Variants in CNTNAP2 observed in about 807,000 individuals in gnomAD.
The protein encoded by CNTNAP2 is contactin-associated protein-like 2.
CNTNAP2 carries 98 observed loss-of-function variants against 155.2 expected under a neutral mutation model. The observed-to-expected ratio is 0.63, with a 90% CI of 0.54 to 0.75. The LOEUF is 0.75. CNTNAP2 is among the 30% of genes least tolerant of loss of function. CNTNAP2 has a pLI of 0.00. For synonymous variants in CNTNAP2, 651 were observed against 631.2 expected, an observed-to-expected ratio of 1.03 and a Z score of -0.47; for missense variants, 1,727 against 1,688.1, an observed-to-expected ratio of 1.02 and a Z score of -0.40.
chr7:147,672,291 T>G (rs1240598170), intron 13 of CNTNAP2, among the ~76,000 whole-genome samples: 1 of 152,238 alleles, frequency 6.6e-6, no homozygotes, highest in Non-Finnish European at 1.5e-5. Context: ...AATACCATGT[T>G]AAACTTTCTA....
chr7:148,331,775 AAT>A (rs1798028871), intron 21 of CNTNAP2, among the ~76,000 whole-genome samples: 1 of 137,032 alleles, frequency 7.3e-6, no homozygotes, highest in Non-Finnish European at 1.6e-5. Flanking sequence ...GGATGGATGG[AAT>A]GGACAGATGG....
intron 1 of CNTNAP2, among the ~76,000 whole-genome samples, chr7:146,260,669 G>C (rs1011773999): frequency 2.0e-5 from 3 of 152,162 alleles, no homozygotes; most frequent in African/African-American, 4.8e-5. Context: ...TTTGGAATGA[G>C]AGCATTTGTC....
intron 8 of CNTNAP2, among the ~76,000 whole-genome samples, chr7:147,158,939 A>T (rs187833773): frequency 1.3e-5 from 2 of 152,258 alleles, no homozygotes; most frequent in East Asian, 3.9e-4. Flanking sequence ...TGATGTATAA[A>T]AGTTGTTTTA....
chr7:147,179,061 C>A lies in CNTNAP2; in HGVS notation c.1348+46552C>A, dbSNP rs559313611. Reference sequence around the variant, plus strand: ...CTGTGGCCTTGTGATTGTCATCTAACCTTTCTGAGACTCCATATCCTTACT... The same window carrying A: ...CTGTGGCCTTGTGATTGTCATCTAAACTTTCTGAGACTCCATATCCTTACT... On this transcript the variant is annotated intron_variant, in intron 8 of 23. Transcript: ENST00000361727. Among the ~76,000 whole-genome samples the A allele has an allele frequency of 1.3e-4, 20 of 152,204 alleles. No homozygotes were observed. In the South Asian group the frequency reaches 3.9e-3, roughly 30 times the overall value.
At chr7:147,830,431 G>A (rs1342705385) in intron 13 of CNTNAP2, among the ~76,000 whole-genome samples, 1 of 152,002 alleles carries the variant, frequency 6.6e-6, no homozygotes, top group African/African-American at 2.4e-5. Flanking sequence ...CCCCCAAAAG[G>A]CCCCACTTCC....
intron 14 of CNTNAP2, among the ~76,000 whole-genome samples, chr7:147,906,152 T>C (rs1265047277): frequency 6.6e-6 from 1 of 152,098 alleles, no homozygotes; most frequent in East Asian, 1.9e-4. Flanking sequence ...CATCTGTGTC[T>C]AAACCCTGAG....
chr7:148,346,773 T>TA (rs71188973), intron 21 of CNTNAP2, among the ~76,000 whole-genome samples: 53 of 147,116 alleles, frequency 3.6e-4, no homozygotes, highest in Middle Eastern at 3.6e-3. Flanking sequence ...ACTCCATCTT[T>TA]AAAAAAAAAA....
At chr7:147,454,690 C>T (rs993761721) in intron 10 of CNTNAP2, among the ~76,000 whole-genome samples, 7 of 151,920 alleles carry the variant, frequency 4.6e-5, no homozygotes, top group Admixed American at 2.6e-4. Context: ...GAAGGCGTCT[C>T]CCAGAGCCCA....
At chr7:147,180,980 C>A (rs1033237399) in intron 8 of CNTNAP2, among the ~76,000 whole-genome samples, 1 of 151,936 alleles carries the variant, frequency 6.6e-6, no homozygotes, top group South Asian at 2.1e-4. Context: ...ACCTAGAACA[C>A]AAAATTAAAA....
At chr7:146,613,126 G>A (rs1207731721) in intron 1 of CNTNAP2, among the ~76,000 whole-genome samples, 1 of 152,046 alleles carries the variant, frequency 6.6e-6, no homozygotes, top group Non-Finnish European at 1.5e-5. Flanking sequence ...GAAGTGTCAG[G>A]CATTTGCAGA....
intron 4 of CNTNAP2, among the ~76,000 whole-genome samples, chr7:147,052,079 T>C (rs1213488511): frequency 6.6e-6 from 1 of 152,150 alleles, no homozygotes; most frequent in East Asian, 1.9e-4. Context: ...CTCTCCATCA[T>C]CCTTTACCTG....
intron 10 of CNTNAP2, 62 bp downstream of exon 10, chr7:147,395,842 T>C: frequency 6.3e-7 from 1 of 1,582,366 alleles, no homozygotes; most frequent in Non-Finnish European, 8.7e-7. Context: ...GTTTCTGTTG[T>C]GAGACCAGTG....
chr7:146,376,897 C>A (rs1019060026), intron 1 of CNTNAP2, among the ~76,000 whole-genome samples: 1 of 152,138 alleles, frequency 6.6e-6, no homozygotes, highest in African/African-American at 2.4e-5. Flanking sequence ...TAGCATTAGT[C>A]CCCTCTGGAG....
chr7:146,217,894 T>C (rs1415735485), intron 1 of CNTNAP2, among the ~76,000 whole-genome samples: 1 of 152,228 alleles, frequency 6.6e-6, no homozygotes, highest in Non-Finnish European at 1.5e-5. Flanking sequence ...TCTTAACTTA[T>C]GGATACTAGG....
intron 1 of CNTNAP2, among the ~76,000 whole-genome samples, chr7:146,719,948 G>A (rs1801256380): frequency 6.6e-6 from 1 of 152,078 alleles, no homozygotes; most frequent in South Asian, 2.1e-4. Context: ...CCCAAATGTT[G>A]AAGCATTGAA....
At chr7:148,262,441 T>C (rs188345315) in intron 20 of CNTNAP2, among the ~76,000 whole-genome samples, 1 of 152,150 alleles carries the variant, frequency 6.6e-6, no homozygotes, top group Non-Finnish European at 1.5e-5. Context: ...AGGCCAGAAG[T>C]GCAAAGTCAG....
chr7:148,313,666 T>C (rs1475919418), intron 21 of CNTNAP2, among the ~76,000 whole-genome samples: 1 of 152,226 alleles, frequency 6.6e-6, no homozygotes, highest in Non-Finnish European at 1.5e-5. Flanking sequence ...TGGCTGCCTC[T>C]ACTCTATTAT....
At chr7:146,378,481 T>G (rs1195643434) in intron 1 of CNTNAP2, among the ~76,000 whole-genome samples, 1 of 152,220 alleles carries the variant, frequency 6.6e-6, no homozygotes, top group Non-Finnish European at 1.5e-5. Context: ...AAGTACTTTA[T>G]GTGCATTACC....
intron 1 of CNTNAP2, among the ~76,000 whole-genome samples, chr7:146,763,359 C>T (rs1050142460): frequency 1.3e-5 from 2 of 152,138 alleles, no homozygotes; most frequent in Admixed American, 1.3e-4. Flanking sequence ...TCTGAAACCT[C>T]TAATTTCAAG....
Sources: allele counts gnomAD v4.1 joint callset (sites outside exome capture counted in the v4.1 genomes callset), GRCh38; gene constraint gnomAD v4.1.1; transcripts MANE v1.5; gene names NCBI Gene and HGNC (gene_info 2026-07-23, HGNC 2026-07-21).